SPINK5: variants seen among roughly 807,000 people sequenced by gnomAD.
The protein encoded by SPINK5 is serine protease inhibitor Kazal-type 5.
SPINK5 carries 125 observed loss-of-function variants against 151.8 expected under a neutral mutation model. That is an observed-to-expected ratio of 0.82 (90% CI 0.71 to 0.96). SPINK5 has a LOEUF of 0.96. SPINK5 is among the 40% of genes least tolerant of loss of function. The pLI is 0.00. For synonymous variants in SPINK5, 374 were observed against 395.3 expected, an observed-to-expected ratio of 0.95 and a Z score of 0.64; for missense variants, 1,194 against 1,291.9, an observed-to-expected ratio of 0.92 and a Z score of 1.16.
At chr5:148,111,994 T>C in intron 19 of SPINK5, 99 bp downstream of exon 19, 3 of 1,562,240 alleles carry the variant, frequency 1.9e-6, no homozygotes, top group South Asian at 2.2e-5. Context: ...AGGAGATAGA[T>C]AATAAAGGCT....
At chr5:148,114,284 T>A in intron 20 of SPINK5, 78 bp from the exon 21 acceptor site, 2 of 1,467,554 alleles carry the variant, frequency 1.4e-6, no homozygotes, top group Non-Finnish European at 1.8e-6. Context: ...TTTTTTTTTC[T>A]ATAAAGCACT....
intron 20 of SPINK5, 66 bp downstream of exon 20, chr5:148,113,000 A>G: frequency 6.3e-7 from 1 of 1,596,000 alleles, no homozygotes; most frequent in Non-Finnish European, 8.5e-7. Flanking sequence ...TGTAAAAATA[A>G]CTATGGAATT....
intron 4 of SPINK5, among the ~76,000 whole-genome samples, chr5:148,084,280 T>A (rs1386157226): frequency 6.6e-6 from 1 of 151,822 alleles, no homozygotes; most frequent in Non-Finnish European, 1.5e-5. Flanking sequence ...TTCTGGTGAG[T>A]ATAAGGATAG....
At chr5:148,065,441 C>T (rs1360135073) in intron 2 of SPINK5, 69 bp downstream of exon 2, 2 of 1,528,244 alleles carry the variant, frequency 1.3e-6, no homozygotes, top group Non-Finnish European at 1.8e-6. Context: ...TTGTGGCCAA[C>T]ACCTTCATGT....
chr5:148,127,607 C>CT (rs1754465593), intron 30 of SPINK5, among the ~76,000 whole-genome samples: 1 of 152,090 alleles, frequency 6.6e-6, no homozygotes, highest in African/African-American at 2.4e-5. Flanking sequence ...AACCCCAGCA[C>CT]TGTGGGAGGC....
At chr5:148,095,956 G>C in intron 10 of SPINK5, 51 bp downstream of exon 10, 1 of 1,404,446 alleles carries the variant, frequency 7.1e-7, no homozygotes, top group Non-Finnish European at 1.0e-6. Context: ...GTGTGGGGGG[G>C]TGCGTGTGTG....
At chr5:148,070,128 G>C (rs1561672349) in intron 2 of SPINK5, among the ~76,000 whole-genome samples, 195 bp from the exon 3 acceptor site, 1 of 152,054 alleles carries the variant, frequency 6.6e-6, no homozygotes, top group Non-Finnish European at 1.5e-5. Context: ...AAGAAGGAAG[G>C]AGGATAATTT....
At position 148,094,208 on chromosome 5, in the gene SPINK5, A is replaced by C. The variant is rs1753391945; in HGVS notation, c.667-146A>C. 7 of 812,272 alleles carry C rather than the reference A, an allele frequency of 8.6e-6. No individual in the cohort carries two copies. The East Asian group carries it at 2.0e-4, about 24-fold the overall frequency. 50.3% of individuals were successfully genotyped at this position (812,272 alleles called of 1,614,324 possible). ...TTAGTTAGGAAGCTGAGGTGGAAGG[A>C]TCTCTGAGCCTAGAGGTTAGAGGCT... On this transcript the variant is annotated intron_variant, in intron 8 of 32. Coordinates refer to ENST00000256084, the MANE Select transcript of SPINK5 (RefSeq NM_006846.4).
At chr5:148,069,788 C>G (rs2127188832) in intron 2 of SPINK5, among the ~76,000 whole-genome samples, 2 of 152,164 alleles carry the variant, frequency 1.3e-5, no homozygotes, top group Middle Eastern at 6.8e-3. Flanking sequence ...TATCAAGGGA[C>G]ATGAAGTTCT....
intron 29 of SPINK5, among the ~76,000 whole-genome samples, chr5:148,126,647 A>C (rs1264667967): frequency 6.6e-6 from 1 of 151,934 alleles, no homozygotes; most frequent in East Asian, 1.9e-4. Context: ...GTTGGAGTGC[A>C]ATGGTGCGAT....
rs180996818 is a variant in SPINK5 at position 148,105,011 on chromosome 5, C to T, written c.1479+11C>T. 4 of 1,613,324 alleles carry T rather than the reference C, an allele frequency of 2.5e-6. No individual in the cohort carries two copies. In the East Asian group the frequency reaches 6.7e-5, roughly 27 times the overall value. Reference sequence around the variant, plus strand: ...AGAGAAGCTGCAAAGGTAATATTCTCAGGAATGCTGATGCTGTGCCCTGAC... The same window carrying T: ...AGAGAAGCTGCAAAGGTAATATTCTTAGGAATGCTGATGCTGTGCCCTGAC... On this transcript the variant is annotated intron_variant, in intron 16 of 32. Transcript: ENST00000256084.
At chr5:148,084,788 G>A (rs757656693) in intron 4 of SPINK5, among the ~76,000 whole-genome samples, 12 of 151,704 alleles carry the variant, frequency 7.9e-5, no homozygotes, top group Non-Finnish European at 1.0e-4. Flanking sequence ...TGCAATTGCC[G>A]TTCTCTATGC....
chr5:148,083,216 C>A (rs2113035428), intron 4 of SPINK5, among the ~76,000 whole-genome samples: 2 of 151,488 alleles, frequency 1.3e-5, no homozygotes, highest in South Asian at 4.2e-4. Flanking sequence ...TTTTTGGACT[C>A]AATTCTAATT....
At position 148,121,143 on chromosome 5, in the gene SPINK5, C is replaced by CAGAAA. The variant is rs1554106525; in HGVS notation, c.2538+753_2538+754insGAAAA. ...TGGGCGACAGAGCAAGACTCTGTCTCAAAAAAAAAAAAAAAAAAAAAAAAG... is the reference window on the plus strand; with the variant it reads ...TGGGCGACAGAGCAAGACTCTGTCTCAGAAAAAAAAAAAAAAAAAAAAAAAAAAAG... On this transcript the variant is annotated intron_variant, in intron 26 of 32. Coordinates refer to ENST00000256084, the MANE Select transcript of SPINK5 (RefSeq NM_006846.4). 2.9e-4 allele frequency among the ~76,000 whole-genome samples: 20 copies of CAGAAA among 68,654 alleles called. 4 individuals carry two copies. Among genetic ancestry groups the CAGAAA allele is most frequent in the East Asian group, 5.2e-4 (1 of 1,928 alleles). The allele number at this position is 68,654 out of a possible 152,430, so 45.0% of individuals were successfully genotyped here.
At chr5:148,123,510 GCA>G (rs1754338684) in intron 26 of SPINK5, among the ~76,000 whole-genome samples, 2 of 26,288 alleles carry the variant, frequency 7.6e-5, no homozygotes, top group East Asian at 2.7e-3. Context: ...GTGCAGTGGT[GCA>G]ATATATGTGT....
chr5:148,099,405 A>C, intron 12 of SPINK5, 90 bp downstream of exon 12: 1 of 1,058,822 alleles, frequency 9.4e-7, no homozygotes, highest in Admixed American at 2.0e-5. Flanking sequence ...CCCTGCAGAA[A>C]TCCCCAGAAT....
chr5:148,131,463 C>T (rs1035129472), intron 31 of SPINK5, 74 bp downstream of exon 31: 2 of 1,592,662 alleles, frequency 1.3e-6, no homozygotes, highest in East Asian at 2.2e-5. Context: ...CATAGTAATG[C>T]ACTGATATAA....
At chr5:148,095,465 G>T (rs557408048) in intron 9 of SPINK5, among the ~76,000 whole-genome samples, 1 of 152,020 alleles carries the variant, frequency 6.6e-6, no homozygotes, top group East Asian at 1.9e-4. Context: ...TTTATATATT[G>T]CAAAATAGAA....
Position 148,125,799 on chromosome 5 carries a change from G to A in SPINK5, c.2816G>A (p.Gly939Asp). 1 of 1,614,190 alleles carries A rather than the reference G, an allele frequency of 6.2e-7. No individual in the cohort carries two copies. Among genetic ancestry groups the A allele is most frequent in the Non-Finnish European group, 8.5e-7 (1 of 1,180,034 alleles). ...ICPRENDPVH[G>D]ADGKFYTNKC... ...CCTAGAGAGAATGACCCAGTGCACG[G>A]TGCTGATGGAAAGTTCTATACAAAC... is the stretch of plus-strand genomic sequence containing the variant. The change falls in exon 29 of 33, where the codon GGT becomes GAT. Residue 939 changes from glycine (G) to aspartate (D), a missense_variant. Gly to Asp is a moderately conservative substitution (Grantham distance 94, BLOSUM62 -1). Coordinates refer to ENST00000256084, the MANE Select transcript of SPINK5 (RefSeq NM_006846.4).
Sources: gnomAD v4.1 joint callset for allele counts (sites outside exome capture counted in the v4.1 genomes callset) on GRCh38, gnomAD v4.1.1 for gene constraint, MANE v1.5 for transcripts, NCBI Gene and HGNC (gene_info 2026-07-23, HGNC 2026-07-21) for gene names.